RBFOX1: variants seen among roughly 807,000 people sequenced by gnomAD.
The protein encoded by RBFOX1 is RNA binding protein fox-1 homolog 1.
In RBFOX1, 8 loss-of-function variants were observed where a neutral mutation model predicts 57.7. The observed-to-expected ratio is 0.14, with a 90% CI of 0.08 to 0.25. The LOEUF is 0.25. RBFOX1 is among the 10% of genes least tolerant of loss of function. RBFOX1 has a pLI of 1.00. For synonymous variants in RBFOX1, 326 were observed against 222.4 expected, an observed-to-expected ratio of 1.47 and a Z score of -4.15; for missense variants, 611 against 548.5, an observed-to-expected ratio of 1.11 and a Z score of -1.14.
chr16:7,403,222 T>C (rs1050475443), intron 4 of RBFOX1, among the ~76,000 whole-genome samples: 1 of 152,066 alleles, frequency 6.6e-6, no homozygotes, highest in Non-Finnish European at 1.5e-5. Context: ...CAGCTCAGAG[T>C]TCCGTTTTTT....
chr16:7,031,255 C>G (rs1040142453), intron 3 of RBFOX1, among the ~76,000 whole-genome samples: 1 of 152,128 alleles, frequency 6.6e-6, no homozygotes, highest in African/African-American at 2.4e-5. Flanking sequence ...CTCATGATGT[C>G]AACTTTGGCA....
intron 3 of RBFOX1, among the ~76,000 whole-genome samples, chr16:6,796,957 G>C (rs2084206244): frequency 6.6e-6 from 1 of 152,146 alleles, no homozygotes; most frequent in Non-Finnish European, 1.5e-5. Context: ...CTAGGAGAGA[G>C]AGGAAACAGG....
chr16:7,690,102 A>G (rs903747500), intron 14 of RBFOX1, among the ~76,000 whole-genome samples: 7 of 152,098 alleles, frequency 4.6e-5, no homozygotes, highest in South Asian at 2.1e-4. Context: ...CCTTGGTGCC[A>G]TAACACTGCT....
At chr16:5,589,947 C>T (rs1476075254) in intron 2 of RBFOX1, among the ~76,000 whole-genome samples, 2 of 152,178 alleles carry the variant, frequency 1.3e-5, no homozygotes, top group Non-Finnish European at 2.9e-5. Context: ...GTACCAGGGT[C>T]TCCCCTGTCA....
chr16:7,181,205 C>A (rs555331233), intron 4 of RBFOX1, among the ~76,000 whole-genome samples: 1 of 152,112 alleles, frequency 6.6e-6, no homozygotes, highest in South Asian at 2.1e-4. Context: ...TAGTCACAAT[C>A]TCTCTAGATG....
At chr16:7,022,464 T>A (rs2039597829) in intron 3 of RBFOX1, among the ~76,000 whole-genome samples, 1 of 152,134 alleles carries the variant, frequency 6.6e-6, no homozygotes, top group African/African-American at 2.4e-5. Flanking sequence ...TCTGAGTTTA[T>A]GGAGTTGGTT....
At chr16:6,593,728 A>G (rs2097747505) in intron 2 of RBFOX1, among the ~76,000 whole-genome samples, 1 of 152,206 alleles carries the variant, frequency 6.6e-6, no homozygotes, top group South Asian at 2.1e-4. Context: ...TTACAGAGGC[A>G]TGCCATTCAG....
intron 3 of RBFOX1, among the ~76,000 whole-genome samples, chr16:6,754,690 G>T (rs1342507059): frequency 6.6e-6 from 1 of 152,052 alleles, no homozygotes; most frequent in Middle Eastern, 3.4e-3. Flanking sequence ...AGAGATGCAG[G>T]AAATGGAATG....
At chr16:7,144,417 C>CTTCTTTTTT (rs3046798) in intron 4 of RBFOX1, among the ~76,000 whole-genome samples, 1,855 of 66,966 alleles carry the variant, frequency 0.028, 133 homozygotes, top group Middle Eastern at 0.047. Flanking sequence ...TTTCTTTCTT[C>CTTCTTTTTT]TTTTTTTTTT....
At chr16:6,490,704 A>G (rs1222010951) in intron 2 of RBFOX1, among the ~76,000 whole-genome samples, 1 of 152,192 alleles carries the variant, frequency 6.6e-6, no homozygotes, top group African/African-American at 2.4e-5. Flanking sequence ...GAGCAATATT[A>G]AAGTCTCAAA....
intron 4 of RBFOX1, among the ~76,000 whole-genome samples, chr16:5,962,494 C>T (rs1344979487): frequency 6.6e-6 from 1 of 152,128 alleles, no homozygotes; most frequent in Non-Finnish European, 1.5e-5. Context: ...CACCTTTTTT[C>T]TTCACTTCAC....
chr16:7,169,217 G>C (rs1384945792), intron 4 of RBFOX1, among the ~76,000 whole-genome samples: 27 of 152,212 alleles, frequency 1.8e-4, no homozygotes, highest in Admixed American at 1.8e-3. Flanking sequence ...AGGATGTGAT[G>C]ATAATGGTGA....
At chr16:7,427,624 CTTT>C (rs930398631) in intron 4 of RBFOX1, among the ~76,000 whole-genome samples, 1 of 151,434 alleles carries the variant, frequency 6.6e-6, no homozygotes, top group Non-Finnish European at 1.5e-5. Context: ...TTTTCTTCTT[CTTT>C]TTATTTTTTT....
At chr16:7,500,836 C>A (rs2070535189) in intron 4 of RBFOX1, among the ~76,000 whole-genome samples, 1 of 152,206 alleles carries the variant, frequency 6.6e-6, no homozygotes, top group Non-Finnish European at 1.5e-5. Context: ...CCCATAATCC[C>A]CATGTCTCGT....
chr16:6,820,155 C>A (rs1438980192), intron 3 of RBFOX1, among the ~76,000 whole-genome samples: 1 of 152,158 alleles, frequency 6.6e-6, no homozygotes, highest in South Asian at 2.1e-4. Flanking sequence ...TGCCTGCCGC[C>A]ATATAAGACA....
intron 2 of RBFOX1, among the ~76,000 whole-genome samples, chr16:6,574,204 C>A (rs2097388775): frequency 6.6e-6 from 1 of 152,058 alleles, no homozygotes; most frequent in African/African-American, 2.4e-5. Flanking sequence ...CTTCTCTAGT[C>A]CTCAGTTTTC....
At position 6,932,436 on chromosome 16, in the gene RBFOX1, A is replaced by G. The variant is rs190784874; in HGVS notation, c.-15-119621A>G. ...TCATCTCCTAAAGGTCTCACCTCAC[A>G]ATACCATTACATTGGCAGTTACATT... is the stretch of plus-strand genomic sequence containing the variant. On this transcript the variant is annotated intron_variant, in intron 3 of 15. Transcript: ENST00000550418. Among the ~76,000 whole-genome samples, 275 of 152,250 alleles carry G rather than the reference A, an allele frequency of 1.8e-3. 1 individual carries two copies. Among genetic ancestry groups the G allele is most frequent in the Admixed American group, 4.2e-3 (65 of 15,296 alleles).
At chr16:5,371,429 C>G (rs553252403) in intron 1 of RBFOX1, among the ~76,000 whole-genome samples, 72 of 152,294 alleles carry the variant, frequency 4.7e-4, no homozygotes, top group African/African-American at 1.3e-3. Flanking sequence ...CCAGGAGAGG[C>G]CTCAAGAGAA....
chr16:7,482,103 C>G (rs1337474039), intron 4 of RBFOX1, among the ~76,000 whole-genome samples: 1 of 152,218 alleles, frequency 6.6e-6, no homozygotes, highest in Admixed American at 6.5e-5. Flanking sequence ...TGATGGTTAT[C>G]ATAGCAACAA....
Sources: allele counts gnomAD v4.1 joint callset (sites outside exome capture counted in the v4.1 genomes callset), GRCh38; gene constraint gnomAD v4.1.1; transcripts MANE v1.5; gene names NCBI Gene and HGNC (gene_info 2026-07-23, HGNC 2026-07-21).